The following SNCAIP variants were observed in gnomAD, a reference collection of about 807,000 sequenced individuals.
SNCAIP encodes the protein synphilin-1.
A neutral mutation model predicts 86.7 loss-of-function variants in SNCAIP; 43 were observed. The ratio of observed to expected loss-of-function variants is 0.50; its 90% CI spans 0.39 to 0.64. SNCAIP has a LOEUF of 0.64. SNCAIP is among the 30% of genes least tolerant of loss of function. The probability of loss-of-function intolerance (pLI) is 0.00; values close to 1 mark genes in which losing one functional copy is unlikely to be tolerated. For missense variants in SNCAIP, 981 were observed against 1,103.1 expected, an observed-to-expected ratio of 0.89 and a Z score of 1.57; for synonymous variants, 417 against 427.2, an observed-to-expected ratio of 0.98 and a Z score of 0.29.
At chr5:122,326,438 G>A (rs972403960) in intron 1 of SNCAIP, among the ~76,000 whole-genome samples, 3 of 151,962 alleles carry the variant, frequency 2.0e-5, no homozygotes, top group African/African-American at 7.3e-5. Context: ...AGAAGTAGTG[G>A]TCATCTTGAA....
rs140924788 is a variant in SNCAIP at position 122,360,991 on chromosome 5, AC to A, written c.-46-30097del. ...GTGAAAAAAAAATCACCTAATTGAA[AC>A]TTGTCTTGAAAAACTAAATGAATTA... On this transcript the variant is annotated intron_variant, in intron 1 of 10. Transcript: ENST00000261368. Among the ~76,000 whole-genome samples, 209 of 152,196 alleles carry A rather than the reference AC, an allele frequency of 1.4e-3. 1 individual carries two copies. The highest frequency in any genetic ancestry group is 5.0e-3 in the African/African-American group (206 of 41,536).
In SNCAIP at chr5:122,463,634, C is replaced by G; in HGVS notation, c.*138C>G. On this transcript the variant is annotated 3_prime_UTR_variant, in exon 11 of 11. Coordinates refer to ENST00000261368, the MANE Select transcript of SNCAIP (RefSeq NM_005460.4). ...TTGGAAATTATTGGAAATTTCTGGACTATCCTCTTTGGAAAGAGAACCATG... is the reference window on the plus strand; with the variant it reads ...TTGGAAATTATTGGAAATTTCTGGAGTATCCTCTTTGGAAAGAGAACCATG... 1 of 870,460 alleles carries G rather than the reference C, an allele frequency of 1.1e-6. No homozygotes were observed. 53.9% of individuals were successfully genotyped at this position (870,460 alleles called of 1,614,324 possible). A position where few individuals can be genotyped will look rare whatever the true frequency, so the allele number is the denominator to read the frequency against.
At position 122,449,865 on chromosome 5, in the gene SNCAIP, C is replaced by T. The variant is rs147147229; in HGVS notation, c.1613C>T (p.Thr538Met). The change falls in exon 9 of 11, where the codon ACG becomes ATG. Residue 538 changes from threonine (T) to methionine (M), a missense_variant. By Grantham distance (81) the Thr-to-Met change is moderately conservative. Transcript: ENST00000261368. ...QLKEQTVERV[T>M]LQNQLQQFLE... ...CCCAGACAAACAGTAGAACGTGTCA[C>T]GCTGCAGAACCAACTCCAACAATTT... is the stretch of plus-strand genomic sequence containing the variant. 3.7e-5 allele frequency: 60 copies of T among 1,613,720 alleles called. No individual in the cohort carries two copies. The highest frequency in any genetic ancestry group is 1.1e-4 in the African/African-American group (8 of 74,904).
At chr5:122,363,758 G>T (rs934997430) in intron 1 of SNCAIP, among the ~76,000 whole-genome samples, 3 of 150,412 alleles carry the variant, frequency 2.0e-5, no homozygotes, top group Non-Finnish European at 4.4e-5. Context: ...TACATTTAAT[G>T]CATCTGAAAA....
chr5:122,388,292 G>C (rs574290098), intron 1 of SNCAIP, among the ~76,000 whole-genome samples: 2 of 151,988 alleles, frequency 1.3e-5, no homozygotes, highest in African/African-American at 4.8e-5. Flanking sequence ...ACACTGTTGG[G>C]GTCAAACAAA....
intron 3 of SNCAIP, among the ~76,000 whole-genome samples, chr5:122,421,029 A>T (rs1581141937): frequency 6.6e-6 from 1 of 152,326 alleles, no homozygotes; most frequent in Non-Finnish European, 1.5e-5. Flanking sequence ...AAATTCACAT[A>T]CTAGCATTTG....
At chr5:122,445,645 T>TACAC (rs55968414) in intron 8 of SNCAIP, among the ~76,000 whole-genome samples, 2,329 of 143,148 alleles carry the variant, frequency 0.016, 67 homozygotes, top group African/African-American at 0.054. Flanking sequence ...CTTTAAGTTT[T>TACAC]ACACACACAC....
chr5:122,387,754 C>G (rs949493687), intron 1 of SNCAIP, among the ~76,000 whole-genome samples: 24 of 152,162 alleles, frequency 1.6e-4, no homozygotes, highest in African/African-American at 3.9e-4. Flanking sequence ...ATCCCCACTT[C>G]GTAACATTTT....
intron 1 of SNCAIP, among the ~76,000 whole-genome samples, chr5:122,372,675 A>G (rs1038851500): frequency 1.3e-5 from 2 of 152,194 alleles, no homozygotes; most frequent in South Asian, 4.1e-4. Context: ...CTTGTGCTGT[A>G]GGAAGGAAAG....
intron 1 of SNCAIP, among the ~76,000 whole-genome samples, chr5:122,386,225 A>T (rs1394565335): frequency 6.6e-6 from 1 of 152,236 alleles, no homozygotes; most frequent in African/African-American, 2.4e-5. Context: ...CAAAAAAATT[A>T]AAAATATCAC....
chr5:122,355,004 T>C (rs1417634819), intron 1 of SNCAIP, among the ~76,000 whole-genome samples: 1 of 152,228 alleles, frequency 6.6e-6, no homozygotes, highest in East Asian at 1.9e-4. Flanking sequence ...TCCAAAAGAA[T>C]GTTTAGGTTT....
At chr5:122,313,115 G>A (rs1750969616) in intron 1 of SNCAIP, among the ~76,000 whole-genome samples, 1 of 152,270 alleles carries the variant, frequency 6.6e-6, no homozygotes, top group South Asian at 2.1e-4. Context: ...AAAGGCAACA[G>A]CATTGTTGCT....
chr5:122,403,254 A>G (rs1195199310), intron 2 of SNCAIP, among the ~76,000 whole-genome samples: 11 of 152,158 alleles, frequency 7.2e-5, no homozygotes, highest in Non-Finnish European at 1.6e-4. Context: ...TTACCCTGGT[A>G]TTTCCCATGG....
chr5:122,460,475 A>G (rs768324834), intron 10 of SNCAIP, among the ~76,000 whole-genome samples: 1 of 152,048 alleles, frequency 6.6e-6, no homozygotes, highest in Non-Finnish European at 1.5e-5. Context: ...TTAGCATCCA[A>G]CAATCCAACA....
chr5:122,381,597 G>T lies in SNCAIP; in HGVS notation c.-46-9492G>T, dbSNP rs576365402. Among the ~76,000 whole-genome samples, 3 of 147,486 alleles carry T rather than the reference G, an allele frequency of 2.0e-5. No homozygotes were observed. In the South Asian group the frequency reaches 6.8e-4, roughly 34 times the overall value. The stretch of plus-strand genomic sequence containing the variant: ...GATCCTGTCATTATGATGTTAGCTG[G>T]TGATTTTGCTCGTTAGTTGATGCAG... On this transcript the variant is annotated intron_variant, in intron 1 of 10. Coordinates refer to ENST00000261368, the MANE Select transcript of SNCAIP (RefSeq NM_005460.4).
intron 1 of SNCAIP, among the ~76,000 whole-genome samples, chr5:122,380,067 G>A (rs1355031942): frequency 1.3e-5 from 2 of 151,832 alleles, no homozygotes; most frequent in African/African-American, 2.4e-5. Context: ...AATGAGTTAG[G>A]GAGGATTCCC....
intron 1 of SNCAIP, among the ~76,000 whole-genome samples, chr5:122,358,646 C>T (rs17149090): frequency 0.89 from 134,547 of 152,024 alleles, 59,664 homozygotes; most frequent in Admixed American, 0.93. Flanking sequence ...AAGTTAGAAA[C>T]ATGGCATGCT....
chr5:122,460,249 GCAGCTAGAACTAC>G (rs1490861296), intron 10 of SNCAIP, among the ~76,000 whole-genome samples: 1 of 151,848 alleles, frequency 6.6e-6, no homozygotes, highest in Non-Finnish European at 1.5e-5. Flanking sequence ...AGCCTCCTGA[GCAGCTAGAACTAC>G]CAGCATGTGC....
chr5:122,459,682 C>G (rs1785648224), intron 10 of SNCAIP, among the ~76,000 whole-genome samples: 2 of 152,220 alleles, frequency 1.3e-5, no homozygotes, highest in Middle Eastern at 6.8e-3. Context: ...ACCACAGCAC[C>G]TCTTATATTA....
Sources: allele counts gnomAD v4.1 joint callset (sites outside exome capture counted in the v4.1 genomes callset), GRCh38; gene constraint gnomAD v4.1.1; transcripts MANE v1.5; gene names NCBI Gene and HGNC (gene_info 2026-07-23, HGNC 2026-07-21).